Variants in GLI2 observed in about 807,000 individuals in gnomAD.
GLI2 encodes the protein transcription activator GLI2.
Under a neutral mutation model 78.9 loss-of-function variants are expected in GLI2, and 22 were observed. The observed-to-expected ratio is 0.28, with a 90% CI of 0.20 to 0.40. GLI2 has a LOEUF of 0.40. Among genes scored for constraint, GLI2 ranks in the 10% least tolerant of loss-of-function variants. The pLI is 1.00. For missense variants in GLI2, 2,097 were observed against 2,213.2 expected (o/e 0.95, Z 1.05); for synonymous variants, 974 against 963.7 (o/e 1.01, Z -0.20).
At chr2:120,829,044 A>G (rs1465302056) in intron 2 of GLI2, among the ~76,000 whole-genome samples, 3 of 151,992 alleles carry the variant, frequency 2.0e-5, no homozygotes, top group Non-Finnish European at 4.4e-5. Flanking sequence ...CTCACACACC[A>G]CATGCTCACA....
chr2:120,875,477 G>A (rs1688690030), intron 2 of GLI2, among the ~76,000 whole-genome samples: 1 of 152,234 alleles, frequency 6.6e-6, no homozygotes, highest in Admixed American at 6.5e-5. Flanking sequence ...GCTAGGCAGA[G>A]AAGAGGACGG....
chr2:120,847,574 G>C (rs1163781701), intron 2 of GLI2, among the ~76,000 whole-genome samples: 1 of 151,820 alleles, frequency 6.6e-6, no homozygotes, highest in Non-Finnish European at 1.5e-5. Flanking sequence ...AGCAATGGCT[G>C]TTTCTGGGCC....
intron 1 of GLI2, among the ~76,000 whole-genome samples, chr2:120,782,731 A>G (rs1436772441): frequency 6.6e-6 from 1 of 152,200 alleles, no homozygotes; most frequent in Non-Finnish European, 1.5e-5. Flanking sequence ...CCTGGTCACT[A>G]CAGGATATCT....
chr2:120,824,319 T>C (rs1478857715), intron 2 of GLI2, among the ~76,000 whole-genome samples: 1 of 152,240 alleles, frequency 6.6e-6, no homozygotes, highest in African/African-American at 2.4e-5. Flanking sequence ...ACCTTGACTG[T>C]TACGAGTTTG....
At chr2:120,813,771 G>C (rs1183985896) in intron 2 of GLI2, among the ~76,000 whole-genome samples, 1 of 152,180 alleles carries the variant, frequency 6.6e-6, no homozygotes, top group Non-Finnish European at 1.5e-5. Flanking sequence ...GGGCTACTTT[G>C]TCCTGAGAAG....
At chr2:120,839,169 C>T (rs960322079) in intron 2 of GLI2, among the ~76,000 whole-genome samples, 2 of 152,022 alleles carry the variant, frequency 1.3e-5, no homozygotes, top group South Asian at 2.1e-4. Context: ...ATTTGCATAC[C>T]GTATGGATTA....
intron 2 of GLI2, among the ~76,000 whole-genome samples, chr2:120,902,706 A>G (rs1189322327): frequency 6.6e-6 from 1 of 152,216 alleles, no homozygotes. Flanking sequence ...GGTGATGGCC[A>G]TGATAGCAGG....
intron 1 of GLI2, among the ~76,000 whole-genome samples, chr2:120,784,635 T>C (rs756747836): frequency 2.0e-5 from 3 of 152,032 alleles, no homozygotes; most frequent in Non-Finnish European, 4.4e-5. Context: ...CTTCCAGGAC[T>C]CAGAGCTACA....
intron 2 of GLI2, among the ~76,000 whole-genome samples, chr2:120,874,534 G>C (rs955599053): frequency 6.6e-6 from 1 of 152,214 alleles, no homozygotes; most frequent in Non-Finnish European, 1.5e-5. Flanking sequence ...CTGGAAGCGG[G>C]CCTTGCTCCT....
rs1275092292 is a variant in GLI2 at position 120,737,056 on chromosome 2, A to G, written c.-31+771A>G. Among the ~76,000 whole-genome samples, 1 of 152,008 alleles carries G rather than the reference A, an allele frequency of 6.6e-6. No homozygotes were observed. Among genetic ancestry groups the G allele is most frequent in the East Asian group, 1.9e-4 (1 of 5,174 alleles). ...CACCCCCGACAATCTCTCAACAAGT[A>G]TATTTGCTGAGGAATTTGAAAAATC... On this transcript the variant is annotated intron_variant, in intron 1 of 13. Coordinates refer to ENST00000361492, the MANE Select transcript of GLI2 (RefSeq NM_001374353.1). This position sits in a 1 kb window ranked among gnomAD's most constrained non-coding sequence, Gnocchi z 4.3.
chr2:120,914,373 A>G (rs1327941043), intron 2 of GLI2, among the ~76,000 whole-genome samples: 1 of 152,212 alleles, frequency 6.6e-6, no homozygotes, highest in Non-Finnish European at 1.5e-5. Context: ...TGCTTTCTGC[A>G]TTGGATTCTG....
chr2:120,859,884 C>T (rs746474404), intron 2 of GLI2, among the ~76,000 whole-genome samples: 7 of 152,162 alleles, frequency 4.6e-5, no homozygotes, highest in Non-Finnish European at 7.4e-5. Flanking sequence ...AGCTCCTGAC[C>T]TCAGACGATC....
chr2:120,835,683 C>T (rs983018106), intron 2 of GLI2, among the ~76,000 whole-genome samples: 3 of 152,104 alleles, frequency 2.0e-5, no homozygotes, highest in African/African-American at 7.2e-5. Flanking sequence ...ACCGCATCGG[C>T]CCAGACTATC....
intron 2 of GLI2, among the ~76,000 whole-genome samples, chr2:120,888,389 G>A (rs113603749): frequency 1.3e-5 from 2 of 152,208 alleles, no homozygotes; most frequent in East Asian, 1.9e-4. Flanking sequence ...CATCGTCCCC[G>A]AGCATTAGGA....
intron 8 of GLI2, among the ~76,000 whole-genome samples, chr2:120,974,126 G>A (rs754708022): frequency 1.3e-5 from 2 of 152,140 alleles, no homozygotes; most frequent in Non-Finnish European, 2.9e-5. Flanking sequence ...GGTAACATCT[G>A]CCTCTTTGCT....
intron 1 of GLI2, among the ~76,000 whole-genome samples, chr2:120,780,202 A>G (rs1358372630): frequency 6.6e-6 from 1 of 152,152 alleles, no homozygotes; most frequent in Admixed American, 6.5e-5. Flanking sequence ...CGTGCCACAC[A>G]CACTCATAAC....
At chr2:120,803,529 G>T (rs562974864) in intron 2 of GLI2, among the ~76,000 whole-genome samples, 1 of 152,184 alleles carries the variant, frequency 6.6e-6, no homozygotes, top group African/African-American at 2.4e-5. Flanking sequence ...ACAGCAGGTG[G>T]GAAACCCAGG....
At chr2:120,939,828 T>C (rs1172781309) in intron 3 of GLI2, among the ~76,000 whole-genome samples, 1 of 152,214 alleles carries the variant, frequency 6.6e-6, no homozygotes, top group Non-Finnish European at 1.5e-5. Context: ...GTTCTCACCC[T>C]CCTAGACATT....
At chr2:120,973,908 G>C (rs1295622644) in intron 8 of GLI2, among the ~76,000 whole-genome samples, 1 of 152,122 alleles carries the variant, frequency 6.6e-6, no homozygotes, top group African/African-American at 2.4e-5. Context: ...CCCAGAAAGG[G>C]ACTCAGCATT....
Sources: allele counts gnomAD v4.1 joint callset (sites outside exome capture counted in the v4.1 genomes callset), GRCh38; gene constraint gnomAD v4.1.1; non-coding constraint Gnocchi (gnomAD v3.1); transcripts MANE v1.5; gene names NCBI Gene and HGNC (gene_info 2026-07-23, HGNC 2026-07-21).